The following DYNC1I1 variants were observed in gnomAD, a reference collection of about 807,000 sequenced individuals.
DYNC1I1 encodes dynein cytoplasmic 1 intermediate chain 1, also known as cytoplasmic dynein 1 intermediate chain 1.
Under a neutral mutation model 86.6 loss-of-function variants are expected in DYNC1I1, and 43 were observed. The ratio of observed to expected loss-of-function variants is 0.50; its 90% confidence interval spans 0.39 to 0.64. DYNC1I1 has a LOEUF of 0.64. Among genes scored for constraint, DYNC1I1 ranks in the 30% least tolerant of loss-of-function variants. The pLI is 0.00. For missense variants in DYNC1I1, 604 were observed against 788.8 expected (o/e 0.77, Z 2.81); for synonymous variants, 262 against 283.7 (o/e 0.92, Z 0.77).
At chr7:95,903,484 G>A (rs1791093919) in intron 6 of DYNC1I1, among the ~76,000 whole-genome samples, 1 of 152,188 alleles carries the variant, frequency 6.6e-6, no homozygotes, top group South Asian at 2.1e-4. Flanking sequence ...AGAAGTAAAA[G>A]TGAAGAAAAT....
intron 10 of DYNC1I1, among the ~76,000 whole-genome samples, chr7:96,022,374 T>G (rs909134487): frequency 1.3e-5 from 2 of 152,108 alleles, no homozygotes; most frequent in African/African-American, 2.4e-5. Flanking sequence ...AAATCAAATT[T>G]TAGAATCAGC....
chr7:95,861,975 A>G (rs1429894834), intron 5 of DYNC1I1, among the ~76,000 whole-genome samples: 1 of 152,216 alleles, frequency 6.6e-6, no homozygotes, highest in Non-Finnish European at 1.5e-5. Context: ...AAAATTAAGC[A>G]TAGGAAAACT....
chr7:95,801,683 C>A (rs1794580416), intron 1 of DYNC1I1, among the ~76,000 whole-genome samples: 1 of 152,178 alleles, frequency 6.6e-6, no homozygotes, highest in South Asian at 2.1e-4. Context: ...TCATTTTTGA[C>A]TGTCAAAAAA....
intron 6 of DYNC1I1, among the ~76,000 whole-genome samples, chr7:95,939,172 T>C (rs1447895518): frequency 6.6e-6 from 1 of 152,240 alleles, no homozygotes; most frequent in Non-Finnish European, 1.5e-5. Flanking sequence ...CAGTTTGTTA[T>C]AATTTCTGAT....
intron 5 of DYNC1I1, among the ~76,000 whole-genome samples, chr7:95,858,468 A>G (rs931498193): frequency 6.6e-6 from 1 of 152,208 alleles, no homozygotes; most frequent in Non-Finnish European, 1.5e-5. Flanking sequence ...ATAACAATCA[A>G]AAGTATGGTA....
At chr7:95,820,227 C>A (rs1224632194) in intron 4 of DYNC1I1, among the ~76,000 whole-genome samples, 1 of 152,178 alleles carries the variant, frequency 6.6e-6, no homozygotes, top group East Asian at 1.9e-4. Context: ...TCTTTATCAT[C>A]ATTGCCAGTC....
intron 16 of DYNC1I1, among the ~76,000 whole-genome samples, chr7:96,104,991 T>C (rs746142989): frequency 3.9e-5 from 6 of 152,136 alleles, no homozygotes; most frequent in Non-Finnish European, 7.4e-5. Flanking sequence ...ATATAACTTG[T>C]ATTTATTGGG....
rs978026273 is a variant in DYNC1I1 at position 96,016,495 on chromosome 7, G to A, written c.970-11680G>A. 1.1e-3 allele frequency among the ~76,000 whole-genome samples: 160 copies of A among 152,126 alleles called. 2 individuals carry two copies. The highest frequency in any genetic ancestry group is 0.01 in the Admixed American group (155 of 15,268). ...TCTCAGCCTCCTCAAACAACAAACC[G>A]TGAATCCTACAAATTCAAAAAGAAA... On this transcript the variant is annotated intron_variant, in intron 10 of 16. Coordinates refer to ENST00000447467, the MANE Select transcript of DYNC1I1 (RefSeq NM_001135556.2).
At chr7:96,019,231 A>T (rs1276796923) in intron 10 of DYNC1I1, among the ~76,000 whole-genome samples, 4 of 152,096 alleles carry the variant, frequency 2.6e-5, no homozygotes, top group Admixed American at 2.6e-4. Context: ...ATTGTTATTA[A>T]TTGTAGTCAC....
At chr7:95,842,888 GA>G (rs1359522832) in intron 5 of DYNC1I1, among the ~76,000 whole-genome samples, 1 of 109,214 alleles carries the variant, frequency 9.2e-6, no homozygotes, top group African/African-American at 5.2e-5. Context: ...TAGACATTGT[GA>G]ATTTTTTTTT....
chr7:95,948,686 T>C (rs1792470674), intron 6 of DYNC1I1, among the ~76,000 whole-genome samples: 1 of 152,212 alleles, frequency 6.6e-6, no homozygotes, highest in Non-Finnish European at 1.5e-5. Context: ...GGGAACTTTA[T>C]ATGTACTCAC....
In DYNC1I1 at chr7:96,039,269, T is replaced by C. The variant is rs959769438; in HGVS notation, c.1365-8T>C. 1.2e-6 allele frequency: 2 copies of C among 1,612,890 alleles called. No individual in the cohort carries two copies. The highest frequency in any genetic ancestry group is 1.7e-6 in the Non-Finnish European group (2 of 1,179,348). ...CTGGAATTCTGCTCATGTGTGCTCT[T>C]CCTACAGCAAAGCAGGTATTGGTGA... On this transcript the variant is annotated splice_region_variant and splice_polypyrimidine_tract_variant and intron_variant, in intron 13 of 16. Coordinates refer to ENST00000447467, the MANE Select transcript of DYNC1I1 (RefSeq NM_001135556.2).
intron 6 of DYNC1I1, among the ~76,000 whole-genome samples, chr7:95,936,956 T>TCTCTCACACACACACACACACACACA (rs750834189): frequency 6.9e-4 from 93 of 134,278 alleles, no homozygotes; most frequent in Non-Finnish European, 1.1e-3. Context: ...AGAATATGTC[T>TCTCTCACACACACACACACACACACA]CACACACACA....
intron 6 of DYNC1I1, among the ~76,000 whole-genome samples, chr7:95,874,574 T>C (rs891112096): frequency 2.0e-5 from 3 of 152,116 alleles, no homozygotes; most frequent in Non-Finnish European, 2.9e-5. Context: ...AAATAGGGTT[T>C]TTAGGAGGTA....
chr7:95,978,856 C>T (rs1024401113), intron 7 of DYNC1I1, among the ~76,000 whole-genome samples: 4 of 151,968 alleles, frequency 2.6e-5, no homozygotes, highest in Non-Finnish European at 4.4e-5. Flanking sequence ...AGTGCAGCGA[C>T]GTGATCTCAG....
intron 9 of DYNC1I1, among the ~76,000 whole-genome samples, chr7:95,989,918 A>G: frequency 6.6e-6 from 1 of 152,174 alleles, no homozygotes; most frequent in East Asian, 1.9e-4. Context: ...AGACTTTTTG[A>G]TGGATTTAGA....
intron 10 of DYNC1I1, among the ~76,000 whole-genome samples, chr7:96,016,827 A>T (rs989392316): frequency 1.3e-5 from 2 of 152,138 alleles, no homozygotes; most frequent in African/African-American, 2.4e-5. Flanking sequence ...TACTTTTTCA[A>T]TAAAAATAAA....
rs1383844263 is a variant in DYNC1I1, at chr7:95,797,857, C to CG, written c.-9-6864_-9-6863insG. ...ATAACATATCACAACAGATTGAATGCAGAAGCAGCTATAAGAAAGCATTTG... is the reference window on the plus strand; with the variant it reads ...ATAACATATCACAACAGATTGAATGCGAGAAGCAGCTATAAGAAAGCATTTG... On this transcript the variant is annotated intron_variant, in intron 1 of 16. Transcript: ENST00000447467. 6.6e-5 allele frequency among the ~76,000 whole-genome samples: 10 copies of CG among 152,136 alleles called. No individual in the cohort carries two copies. In the South Asian group the frequency reaches 2.1e-3, roughly 32 times the overall value.
intron 6 of DYNC1I1, among the ~76,000 whole-genome samples, chr7:95,883,894 CA>C (rs1790522316): frequency 1.4e-5 from 2 of 141,628 alleles, no homozygotes; most frequent in African/African-American, 5.8e-5. Flanking sequence ...CAGTTTAAAA[CA>C]AAGTCTTGGA....
Sources: allele counts gnomAD v4.1 joint callset (sites outside exome capture counted in the v4.1 genomes callset), GRCh38; gene constraint gnomAD v4.1.1; transcripts MANE v1.5; gene names NCBI Gene and HGNC (gene_info 2026-07-23, HGNC 2026-07-21).